The following RGS6 variants were observed in gnomAD, a reference collection of about 807,000 sequenced individuals.
RGS6 encodes the protein regulator of G protein signaling 6.
RGS6 carries 30 observed loss-of-function variants against 78.5 expected under a neutral mutation model. The observed-to-expected ratio is 0.38, with a 90% CI of 0.29 to 0.52. The LOEUF is 0.52. Ranked by LOEUF, RGS6 falls within the 20% of genes least tolerant of loss-of-function variation. RGS6 has a pLI of 0.85. For synonymous variants in RGS6, 206 were observed against 206.0 expected (o/e 1.00, Z 0.00); for missense variants, 495 against 609.7 (o/e 0.81, Z 1.98).
At chr14:72,543,056 G>C (rs1022159065) in intron 17 of RGS6, among the ~76,000 whole-genome samples, 1 of 152,220 alleles carries the variant, frequency 6.6e-6, no homozygotes, top group Non-Finnish European at 1.5e-5. Context: ...CAAAGCAAAT[G>C]TCTGGGGACA....
chr14:72,069,522 T>G (rs1041600747), intron 2 of RGS6, among the ~76,000 whole-genome samples: 1 of 152,164 alleles, frequency 6.6e-6, no homozygotes, highest in Non-Finnish European at 1.5e-5. Flanking sequence ...TTAAAAATTA[T>G]TAATCATAGA....
intron 3 of RGS6, among the ~76,000 whole-genome samples, chr14:72,433,510 A>T (rs907771295): frequency 5.3e-5 from 8 of 149,712 alleles, no homozygotes; most frequent in East Asian, 1.9e-4. Flanking sequence ...AATAAAAATT[A>T]AAAAAAAAAG....
chr14:72,317,179 G>A (rs2070526897), intron 2 of RGS6, among the ~76,000 whole-genome samples: 1 of 151,998 alleles, frequency 6.6e-6, no homozygotes, highest in African/African-American at 2.4e-5. Flanking sequence ...TTATCTCATA[G>A]AGATTTGAGG....
rs572939268 is a variant in RGS6, at chr14:72,468,939, G to A, written c.460-1068G>A. ...TTTTATATTAATAATCCATTAATGA[G>A]GGTAATCAATTCGTGTTGGCATGAG... On this transcript the variant is annotated intron_variant, in intron 7 of 17. Transcript: ENST00000553525. Among the ~76,000 whole-genome samples, 440 of 152,176 alleles carry A rather than the reference G, an allele frequency of 2.9e-3. 1 individual carries two copies. Among genetic ancestry groups the A allele is most frequent in the Non-Finnish European group, 4.5e-3 (304 of 67,996 alleles).
At chr14:71,955,321 T>C (rs1180517641) in intron 1 of RGS6, among the ~76,000 whole-genome samples, 2 of 152,252 alleles carry the variant, frequency 1.3e-5, no homozygotes, top group East Asian at 3.9e-4. Context: ...TAACTTCCCT[T>C]TGGTAAATGG....
At chr14:72,373,268 C>T (rs1335995029) in intron 3 of RGS6, among the ~76,000 whole-genome samples, 1 of 152,112 alleles carries the variant, frequency 6.6e-6, no homozygotes, top group Non-Finnish European at 1.5e-5. Flanking sequence ...CCATTGGTAC[C>T]TCATCGAGTT....
intron 12 of RGS6, among the ~76,000 whole-genome samples, chr14:72,494,806 T>C (rs1598329396): frequency 1.3e-5 from 2 of 152,148 alleles, no homozygotes; most frequent in African/African-American, 4.8e-5. Context: ...AATCAGTCTT[T>C]GTGGGAGGGT....
At chr14:72,506,058 A>C (rs1040624400) in intron 13 of RGS6, among the ~76,000 whole-genome samples, 1 of 152,198 alleles carries the variant, frequency 6.6e-6, no homozygotes, top group Admixed American at 6.5e-5. Context: ...TAAGAGTTAG[A>C]AAAAGGCATC....
intron 2 of RGS6, among the ~76,000 whole-genome samples, chr14:72,316,990 A>G (rs970299890): frequency 6.6e-6 from 1 of 151,668 alleles, no homozygotes; most frequent in Non-Finnish European, 1.5e-5. Context: ...ATGCAACTCT[A>G]TTAAGATAAT....
chr14:72,143,315 G>T (rs1323951039), intron 2 of RGS6, among the ~76,000 whole-genome samples: 1 of 152,088 alleles, frequency 6.6e-6, no homozygotes, highest in Non-Finnish European at 1.5e-5. Flanking sequence ...AGAGGTTGCA[G>T]TGAGCCAAGA....
At chr14:72,320,157 C>T (rs1054107614) in intron 2 of RGS6, among the ~76,000 whole-genome samples, 5 of 152,300 alleles carry the variant, frequency 3.3e-5, no homozygotes, top group South Asian at 2.1e-4. Context: ...CCATGAAGCC[C>T]TCAGTGAAAA....
chr14:72,302,683 C>CAT (rs1567704614), intron 2 of RGS6, among the ~76,000 whole-genome samples: 3 of 125,418 alleles, frequency 2.4e-5, no homozygotes, highest in African/African-American at 9.5e-5. Flanking sequence ...CATACACATA[C>CAT]ACACACACAC....
chr14:72,502,592 C>T (rs919150483), intron 13 of RGS6, among the ~76,000 whole-genome samples: 1 of 152,040 alleles, frequency 6.6e-6, no homozygotes, highest in African/African-American at 2.4e-5. Context: ...GGTGAAACCC[C>T]GTCTCTACTA....
At chr14:72,066,256 C>T (rs2094139740) in intron 2 of RGS6, among the ~76,000 whole-genome samples, 1 of 152,032 alleles carries the variant, frequency 6.6e-6, no homozygotes, top group Admixed American at 6.6e-5. Flanking sequence ...TGCTATCTCT[C>T]CAGGTTTCAT....
chr14:72,154,900 A>G (rs2096748384), intron 2 of RGS6, among the ~76,000 whole-genome samples: 1 of 152,194 alleles, frequency 6.6e-6, no homozygotes, highest in South Asian at 2.1e-4. Flanking sequence ...CATGTTCCCA[A>G]GCAGCATGCT....
the RGS6 span, among the ~76,000 whole-genome samples, chr14:72,593,401 T>C: frequency 1.1e-4 from 17 of 149,058 alleles, no homozygotes; most frequent in East Asian, 3.2e-3. Flanking sequence ...GTTTTGTTTT[T>C]TTGAGATGGA....
intron 2 of RGS6, among the ~76,000 whole-genome samples, chr14:72,241,958 C>T (rs1019134738): frequency 1.3e-5 from 2 of 152,160 alleles, no homozygotes; most frequent in East Asian, 1.9e-4. Context: ...TTTTTGAATT[C>T]GGAAACTTGA....
chr14:72,403,342 C>T (rs984328351), intron 3 of RGS6, among the ~76,000 whole-genome samples: 2 of 152,082 alleles, frequency 1.3e-5, no homozygotes, highest in Non-Finnish European at 2.9e-5. Context: ...GTGAAGTAAC[C>T]CAGGCACAGA....
intron 1 of RGS6, among the ~76,000 whole-genome samples, chr14:71,954,272 T>C (rs2092616202): frequency 6.6e-6 from 1 of 151,950 alleles, no homozygotes; most frequent in South Asian, 2.1e-4. Context: ...TCTCCTTTCT[T>C]TCTTCTCTTC....
Sources: gnomAD v4.1 joint callset for allele counts (sites outside exome capture counted in the v4.1 genomes callset) on GRCh38, gnomAD v4.1.1 for gene constraint, MANE v1.5 for transcripts, NCBI Gene and HGNC (gene_info 2026-07-23, HGNC 2026-07-21) for gene names.